ZNF322: variants seen among roughly 807,000 people sequenced by gnomAD.
ZNF322 encodes the protein zinc finger protein 322.
Under a neutral mutation model 18.3 loss-of-function variants are expected in ZNF322, and 1 was observed. That is an observed-to-expected ratio of 0.05 (90% confidence interval 0.02 to 0.26). The LOEUF (loss-of-function observed/expected upper bound fraction) is 0.26, where lower values mean the gene tolerates loss of function less well. Ranked by LOEUF, ZNF322 falls within the 10% of genes least tolerant of loss-of-function variation. ZNF322 has a pLI of 1.00. For synonymous variants in ZNF322, 17 were observed against 130.7 expected (o/e 0.13, Z 5.93); for missense variants, 36 against 403.6 (o/e 0.09, Z 7.80).
chr6:26,657,076 G>A (rs1366454345), intron 2 of ZNF322, among the ~76,000 whole-genome samples: 4 of 152,028 alleles, frequency 2.6e-5, no homozygotes, highest in Non-Finnish European at 4.4e-5. Context: ...GTGAAACCCC[G>A]TCTCTGCTAA....
Position 26,638,353 on chromosome 6 carries a change from C to G in ZNF322, c.201G>C (p.Gly67=). The change falls in exon 4 of 4, where the codon GGG becomes GGC. Residue 67 remains glycine (G), a synonymous_variant. Coordinates refer to ENST00000415922, the MANE Select transcript of ZNF322 (RefSeq NM_024639.5). ...ALIMCERTHT[G]EKPYKCDMCE... ...ACATATCACATTTATAAGGTTTCTCCCCAGTATGGGTTCTCTCACACATAA... is the reference window on the plus strand; with the variant it reads ...ACATATCACATTTATAAGGTTTCTCGCCAGTATGGGTTCTCTCACACATAA... The G allele has an allele frequency of 6.2e-7, 1 of 1,613,768 alleles. No homozygotes were observed. Among genetic ancestry groups the G allele is most frequent in the Non-Finnish European group, 8.5e-7 (1 of 1,179,756 alleles).
At chr6:26,653,516 A>T (rs564598875) in intron 2 of ZNF322, among the ~76,000 whole-genome samples, 69 of 152,364 alleles carry the variant, frequency 4.5e-4, no homozygotes, top group African/African-American at 1.6e-3. Context: ...ACATCCACAC[A>T]TAATGGAGTA....
chr6:26,657,235 G>C (rs1170294185), intron 2 of ZNF322, among the ~76,000 whole-genome samples: 1 of 150,804 alleles, frequency 6.6e-6, no homozygotes, highest in Non-Finnish European at 1.5e-5. Flanking sequence ...GGATGACAGA[G>C]CGAAGACTCC....
Position 26,635,776 on chromosome 6 carries a change from ATTTT to A in ZNF322, c.*1565_*1568del, listed in dbSNP as rs1319212265. On this transcript the variant is annotated 3_prime_UTR_variant, in exon 4 of 4. Coordinates refer to ENST00000415922, the MANE Select transcript of ZNF322 (RefSeq NM_024639.5). ...TTATATTAATAATGCATCATTATGC[ATTTT>A]TTACTCTATGCCTACTCAGGCTTAA... 1 of 83,360 alleles carries A rather than the reference ATTTT, an allele frequency of 1.2e-5. No individual in the cohort carries two copies. Among genetic ancestry groups the A allele is most frequent in the Non-Finnish European group, 2.3e-5 (1 of 42,766 alleles). 5.2% of individuals were successfully genotyped at this position (83,360 alleles called of 1,614,324 possible).
chr6:26,652,761 T>C lies in ZNF322; in HGVS notation c.-246+5797A>G, dbSNP rs1418657436. ...AAAGAGTGAACCCTAATGTAACCTA[T>C]GGAGTTTGGGTGGCAATGATGTATC... On this transcript the variant is annotated intron_variant, in intron 2 of 3. Coordinates refer to ENST00000415922, the MANE Select transcript of ZNF322 (RefSeq NM_024639.5). Among the ~76,000 whole-genome samples the C allele has an allele frequency of 3.3e-5, 5 of 152,046 alleles. No individual in the cohort carries two copies. The East Asian group carries it at 5.8e-4, about 18-fold the overall frequency.
chr6:26,657,808 C>T (rs996534709), intron 2 of ZNF322, among the ~76,000 whole-genome samples: 16 of 152,094 alleles, frequency 1.1e-4, no homozygotes, highest in African/African-American at 3.9e-4. Context: ...TCTAGCAAGC[C>T]CAAATACATC....
chr6:26,653,710 G>C (rs1765714184), intron 2 of ZNF322, among the ~76,000 whole-genome samples: 1 of 152,084 alleles, frequency 6.6e-6, no homozygotes, highest in Admixed American at 6.5e-5. Context: ...AAACTAATGA[G>C]ATTGGTTATC....
intron 2 of ZNF322, among the ~76,000 whole-genome samples, chr6:26,644,484 G>C (rs1230124768): frequency 6.6e-6 from 1 of 152,168 alleles, no homozygotes; most frequent in Non-Finnish European, 1.5e-5. Flanking sequence ...TCTAGTTCCA[G>C]GTAAGATGGA....
At chr6:26,644,328 A>C (rs1360019500) in intron 2 of ZNF322, among the ~76,000 whole-genome samples, 2 of 152,222 alleles carry the variant, frequency 1.3e-5, no homozygotes, top group Non-Finnish European at 2.9e-5. Flanking sequence ...TGGGACTTGC[A>C]GTTCCCTCAA....
chr6:26,659,103 A>C (rs1224313855), intron 1 of ZNF322, among the ~76,000 whole-genome samples: 4 of 152,200 alleles, frequency 2.6e-5, no homozygotes, highest in Non-Finnish European at 4.4e-5. Context: ...AACAAACCAG[A>C]TTTTTCTGCA....
intron 3 of ZNF322, 135 bp from the exon 4 acceptor site, chr6:26,638,863 A>C: frequency 3.8e-6 from 1 of 263,604 alleles, no homozygotes; most frequent in South Asian, 6.3e-5. Context: ...GCTTGAAATC[A>C]GTTATTTACT....
chr6:26,647,260 T>C (rs1415363674), intron 2 of ZNF322, among the ~76,000 whole-genome samples: 1 of 151,968 alleles, frequency 6.6e-6, no homozygotes, highest in Non-Finnish European at 1.5e-5. Context: ...CATAGCAAGA[T>C]CCTGTCTCTA....
At chr6:26,648,843 A>G (rs1765600612) in intron 2 of ZNF322, among the ~76,000 whole-genome samples, 1 of 152,238 alleles carries the variant, frequency 6.6e-6, no homozygotes, top group Non-Finnish European at 1.5e-5. Flanking sequence ...CAACATTATG[A>G]AGATGTTCCC....
chr6:26,657,937 C>T (rs1303875184), intron 2 of ZNF322, among the ~76,000 whole-genome samples: 1 of 151,914 alleles, frequency 6.6e-6, no homozygotes, highest in Non-Finnish European at 1.5e-5. Context: ...TGGAACACGA[C>T]AAAAGTCCAA....
At chr6:26,642,725 G>GC (rs1283502071) in intron 3 of ZNF322, among the ~76,000 whole-genome samples, 1 of 152,116 alleles carries the variant, frequency 6.6e-6, no homozygotes, top group African/African-American at 2.4e-5. Flanking sequence ...GAGCTAAATG[G>GC]CAAGTATCTG....
At chr6:26,659,343 T>C (rs562793673) in intron 1 of ZNF322, 98 bp downstream of exon 1, 45 of 161,440 alleles carry the variant, frequency 2.8e-4, no homozygotes, top group African/African-American at 8.9e-4. Flanking sequence ...CCATGCTCAG[T>C]GTCCAGGAAC....
intron 2 of ZNF322, among the ~76,000 whole-genome samples, chr6:26,645,191 A>AG (rs1380518178): frequency 2.0e-5 from 3 of 152,262 alleles, no homozygotes; most frequent in Non-Finnish European, 4.4e-5. Context: ...ACACAGTCAG[A>AG]GGGGATAACA....
intron 2 of ZNF322, among the ~76,000 whole-genome samples, chr6:26,657,286 A>G (rs1002708361): frequency 2.0e-5 from 3 of 152,060 alleles, no homozygotes; most frequent in Non-Finnish European, 4.4e-5. Flanking sequence ...TCCCTAATTT[A>G]AAATACTGTT....
rs1265948704 is a variant in ZNF322 at position 26,638,422 on chromosome 6, C to T, written c.132G>A (p.Gln44=). Residue 44 remains glutamine, a synonymous_variant, in exon 4 of 4, where the codon CAG becomes CAA. Coordinates refer to ENST00000415922, the MANE Select transcript of ZNF322 (RefSeq NM_024639.5). ...AGAAGTTTTGCTTGCATTCAAGGCACTGGTATATATGACCATCTATCTGAA... is the reference window on the plus strand; with the variant it reads ...AGAAGTTTTGCTTGCATTCAAGGCATTGGTATATATGACCATCTATCTGAA... ...EIIQIDGHIY[Q]CLECKQNFCE... The T allele has an allele frequency of 2.5e-6, 4 of 1,613,796 alleles. No homozygotes were observed. In the East Asian group the frequency reaches 8.9e-5, roughly 36 times the overall value.
Sources: allele counts gnomAD v4.1 joint callset (sites outside exome capture counted in the v4.1 genomes callset), GRCh38; gene constraint gnomAD v4.1.1; transcripts MANE v1.5; gene names NCBI Gene and HGNC (gene_info 2026-07-23, HGNC 2026-07-21).